Variants in ADTRP observed in about 807,000 individuals in gnomAD.
ADTRP encodes the protein androgen dependent TFPI regulating protein, also known as androgen-dependent TFPI-regulating protein.
In ADTRP, 20 loss-of-function variants were observed where a neutral mutation model predicts 27.0. That is an observed-to-expected ratio of 0.74 (90% confidence interval 0.52 to 1.08). ADTRP has a LOEUF of 1.08. Among genes scored for constraint, ADTRP ranks in the 50% least tolerant of loss-of-function variants. The probability of loss-of-function intolerance (pLI) is 0.00; values close to 1 mark genes in which losing one functional copy is unlikely to be tolerated. For synonymous variants in ADTRP, 101 were observed against 105.2 expected (o/e 0.96, Z 0.25); for missense variants, 251 against 275.0 (o/e 0.91, Z 0.62).
intron 2 of ADTRP, 89 bp from the exon 3 acceptor site, chr6:11,766,464 AAC>A (rs1454332760): frequency 3.3e-6 from 3 of 910,034 alleles, no homozygotes; most frequent in Non-Finnish European, 5.1e-6. Flanking sequence ...GCTAAATAAA[AAC>A]AGACAACCAT....
chr6:11,755,143 A>G (rs898748714), intron 3 of ADTRP: 3 of 868,148 alleles, frequency 3.5e-6, no homozygotes, highest in Non-Finnish European at 4.1e-6. Context: ...CTCACCAGCA[A>G]GCCCTCAAGG....
rs1407354599 is a variant in ADTRP, at chr6:11,715,669, T to G, written c.659-1157A>C. Among the ~76,000 whole-genome samples the G allele has an allele frequency of 1.2e-4, 11 of 91,808 alleles. No homozygotes were observed. The Admixed American group carries it at 1.3e-3, about 11-fold the overall frequency. 60.2% of individuals were successfully genotyped at this position (91,808 alleles called of 152,430 possible). A position where few individuals can be genotyped will look rare whatever the true frequency, so the allele number is the denominator to read the frequency against. On this transcript the variant is annotated intron_variant, in intron 5 of 5. Coordinates refer to ENST00000414691, the MANE Select transcript of ADTRP (RefSeq NM_032744.4). ...TTCCCTTTTTTTTTTTTTTTTTTTT[T>G]TGAGACAAGGTCTTTGCCCAGGCTG...
intron 4 of ADTRP, 55 bp from the exon 5 acceptor site, chr6:11,723,555 T>G: frequency 6.3e-7 from 1 of 1,597,784 alleles, no homozygotes; most frequent in Non-Finnish European, 8.5e-7. Flanking sequence ...AACAAGCCAT[T>G]TTCTCATCAG....
chr6:11,767,918 G>C, intron 2 of ADTRP: 1 of 235,694 alleles, frequency 4.2e-6, no homozygotes. Flanking sequence ...CCCTCCCCAG[G>C]GCTCTCCATT....
At chr6:11,772,575 T>A (rs948335090) in intron 1 of ADTRP, among the ~76,000 whole-genome samples, 7 of 152,230 alleles carry the variant, frequency 4.6e-5, no homozygotes, top group African/African-American at 7.2e-5. Context: ...ACAAGTCTTA[T>A]TGGATGAGTC....
At chr6:11,736,934 T>C (rs1434194040) in intron 3 of ADTRP, among the ~76,000 whole-genome samples, 1 of 151,938 alleles carries the variant, frequency 6.6e-6, no homozygotes, top group Non-Finnish European at 1.5e-5. Context: ...GTCCTCCCCC[T>C]CCTTCCCTGC....
chr6:11,738,815 T>C (rs1762622949), intron 3 of ADTRP, among the ~76,000 whole-genome samples: 1 of 152,230 alleles, frequency 6.6e-6, no homozygotes. Context: ...AGTGATGTCA[T>C]TAGTGATGGG....
chr6:11,714,800 T>G (rs1040198456), intron 5 of ADTRP, among the ~76,000 whole-genome samples: 3 of 152,226 alleles, frequency 2.0e-5, no homozygotes, highest in Non-Finnish European at 4.4e-5. Flanking sequence ...CATATTGCTG[T>G]GACTCTGAGT....
chr6:11,733,459 G>A (rs1426911851), intron 4 of ADTRP, among the ~76,000 whole-genome samples: 1 of 152,124 alleles, frequency 6.6e-6, no homozygotes, highest in Non-Finnish European at 1.5e-5. Flanking sequence ...TCTGCCTGAA[G>A]GTCTTTTCCA....
intron 3 of ADTRP, among the ~76,000 whole-genome samples, chr6:11,757,923 T>C (rs556833396): frequency 1.3e-5 from 2 of 152,208 alleles, no homozygotes; most frequent in Non-Finnish European, 2.9e-5. Flanking sequence ...GGTGCTTTAT[T>C]ATGGCAGCCT....
At chr6:11,716,289 G>A (rs1761821348) in intron 5 of ADTRP, among the ~76,000 whole-genome samples, 1 of 152,160 alleles carries the variant, frequency 6.6e-6, no homozygotes, top group Non-Finnish European at 1.5e-5. Context: ...AGGTGTTGAG[G>A]ACTGAAGACT....
chr6:11,756,095 G>A (rs1404979595), intron 3 of ADTRP, among the ~76,000 whole-genome samples: 1 of 152,144 alleles, frequency 6.6e-6, no homozygotes, highest in African/African-American at 2.4e-5. Context: ...GGTACAAGGG[G>A]GTTGGACCTA....
intron 4 of ADTRP, among the ~76,000 whole-genome samples, chr6:11,728,020 A>C (rs1210152642): frequency 6.6e-6 from 1 of 151,818 alleles, no homozygotes; most frequent in Non-Finnish European, 1.5e-5. Flanking sequence ...CTTTGCATTC[A>C]ACATGTCTTC....
At chr6:11,757,248 G>A (rs188064314) in intron 3 of ADTRP, among the ~76,000 whole-genome samples, 3 of 152,108 alleles carry the variant, frequency 2.0e-5, no homozygotes, top group African/African-American at 7.2e-5. Context: ...TGATTCCAAC[G>A]CTAACCCACC....
intron 3 of ADTRP, among the ~76,000 whole-genome samples, chr6:11,750,911 G>T (rs1379135197): frequency 6.6e-6 from 1 of 152,190 alleles, no homozygotes; most frequent in African/African-American, 2.4e-5. Context: ...GATTGCAACG[G>T]CACAATCTTG....
chr6:11,721,649 A>G (rs1762027623), intron 5 of ADTRP, among the ~76,000 whole-genome samples: 1 of 152,174 alleles, frequency 6.6e-6, no homozygotes, highest in Non-Finnish European at 1.5e-5. Context: ...AGACCTCGAG[A>G]GGTAAGTACA....
At chr6:11,773,590 A>T (rs1763856404) in intron 1 of ADTRP, among the ~76,000 whole-genome samples, 1 of 152,200 alleles carries the variant, frequency 6.6e-6, no homozygotes, top group South Asian at 2.1e-4. Flanking sequence ...CCTTCTGCTG[A>T]GGGCAATTCT....
At chr6:11,733,047 T>C (rs1004723835) in intron 4 of ADTRP, among the ~76,000 whole-genome samples, 1 of 152,208 alleles carries the variant, frequency 6.6e-6, no homozygotes, top group Non-Finnish European at 1.5e-5. Context: ...CATATGACCA[T>C]GGGCATGTCA....
intron 3 of ADTRP, among the ~76,000 whole-genome samples, chr6:11,765,971 A>G (rs1312034143): frequency 5.3e-5 from 8 of 152,042 alleles, no homozygotes; most frequent in Non-Finnish European, 1.2e-4. Context: ...AGTTTATGAC[A>G]TATTTGCAGA....
Sources: allele counts gnomAD v4.1 joint callset (sites outside exome capture counted in the v4.1 genomes callset), GRCh38; gene constraint gnomAD v4.1.1; transcripts MANE v1.5; gene names NCBI Gene and HGNC (gene_info 2026-07-23, HGNC 2026-07-21).